The following PARD3 variants were observed in gnomAD, a reference collection of about 807,000 sequenced individuals.
The protein encoded by PARD3 is par-3 family cell polarity regulator, also known as partitioning defective 3 homolog.
Under a neutral mutation model 155.4 loss-of-function variants are expected in PARD3, and 75 were observed. The ratio of observed to expected loss-of-function variants is 0.48; its 90% CI spans 0.40 to 0.58. PARD3 has a LOEUF of 0.58. Among genes scored for constraint, PARD3 ranks in the 20% least tolerant of loss-of-function variants. The probability of loss-of-function intolerance (pLI) is 0.00; values close to 1 mark genes in which losing one functional copy is unlikely to be tolerated. For missense variants in PARD3, 1,642 were observed against 1,721.7 expected (o/e 0.95, Z 0.82); for synonymous variants, 576 against 610.5 (o/e 0.94, Z 0.83).
At chr10:34,118,448 G>A (rs566364616) in intron 24 of PARD3, among the ~76,000 whole-genome samples, 1 of 152,284 alleles carries the variant, frequency 6.6e-6, no homozygotes, top group African/African-American at 2.4e-5. Flanking sequence ...AGGCTCAAGC[G>A]ATCCTCCCAT....
intron 1 of PARD3, among the ~76,000 whole-genome samples, chr10:34,708,148 C>T (rs2094394993): frequency 6.6e-6 from 1 of 151,734 alleles, no homozygotes; most frequent in Non-Finnish European, 1.5e-5. Flanking sequence ...ACAGGAAATA[C>T]AGGGGATAGA....
intron 1 of PARD3, among the ~76,000 whole-genome samples, chr10:34,697,019 C>CACAT (rs1251978206): frequency 3.4e-5 from 5 of 147,942 alleles, no homozygotes; most frequent in Non-Finnish European, 5.9e-5. Context: ...CACACACACA[C>CACAT]ATATTAAAAT....
chr10:34,795,555 T>G (rs1225109412), intron 1 of PARD3, among the ~76,000 whole-genome samples: 1 of 151,936 alleles, frequency 6.6e-6, no homozygotes, highest in Non-Finnish European at 1.5e-5. Flanking sequence ...GAGGCTGTAG[T>G]GAGCTGACTG....
At chr10:34,677,323 A>C (rs1389860393) in intron 2 of PARD3, among the ~76,000 whole-genome samples, 2 of 152,110 alleles carry the variant, frequency 1.3e-5, no homozygotes, top group African/African-American at 4.8e-5. Context: ...ATCTACAAAA[A>C]AATAAAATTA....
chr10:34,415,671 C>A (rs919855699), intron 5 of PARD3, among the ~76,000 whole-genome samples: 5 of 152,116 alleles, frequency 3.3e-5, no homozygotes, highest in Admixed American at 6.5e-5. Flanking sequence ...CTCTGCTCAC[C>A]GGTATGGCAC....
intron 5 of PARD3, among the ~76,000 whole-genome samples, chr10:34,405,670 C>T (rs1448868960): frequency 6.6e-6 from 1 of 152,166 alleles, no homozygotes; most frequent in East Asian, 1.9e-4. Context: ...CTGAAAGCTA[C>T]ACCTTCATCA....
chr10:34,809,224 G>A (rs753616192), intron 1 of PARD3, among the ~76,000 whole-genome samples: 3 of 152,204 alleles, frequency 2.0e-5, no homozygotes, highest in Non-Finnish European at 4.4e-5. Flanking sequence ...TATTTTTTGT[G>A]TGAGAGCAGT....
chr10:34,353,723 A>T (rs948627291), intron 14 of PARD3, among the ~76,000 whole-genome samples: 1 of 136,462 alleles, frequency 7.3e-6, no homozygotes, highest in African/African-American at 2.6e-5. Flanking sequence ...AAATAAATAA[A>T]TAAAAAAATA....
Position 34,651,010 on chromosome 10 carries a change from T to TTAA in PARD3, c.222+45307_222+45308insTTA, listed in dbSNP as rs2092994493. Reference sequence around the variant, plus strand: ...TGGGCAACAAGAACGAAACTCTGTCTCAAAAAAAAAAAAAAAAAAAAAAAA... The same window carrying TTAA: ...TGGGCAACAAGAACGAAACTCTGTCTTAACAAAAAAAAAAAAAAAAAAAAAAAA... On this transcript the variant is annotated intron_variant, in intron 2 of 24. Transcript: ENST00000374788. Among the ~76,000 whole-genome samples the TTAA allele has an allele frequency of 1.3e-4, 4 of 31,790 alleles. 1 individual carries two copies. The South Asian group carries it at 6.7e-3, about 53-fold the overall frequency. 20.9% of individuals were successfully genotyped at this position (31,790 alleles called of 152,430 possible). A position where few individuals can be genotyped will look rare whatever the true frequency, so the allele number is the denominator to read the frequency against.
At chr10:34,548,587 T>C (rs1402301820) in intron 2 of PARD3, among the ~76,000 whole-genome samples, 1 of 151,944 alleles carries the variant, frequency 6.6e-6, no homozygotes, top group Non-Finnish European at 1.5e-5. Flanking sequence ...TAGCATGCAA[T>C]TAACTACCAG....
chr10:34,693,088 G>A (rs957371809), intron 2 of PARD3, among the ~76,000 whole-genome samples: 9 of 152,142 alleles, frequency 5.9e-5, no homozygotes, highest in African/African-American at 2.2e-4. Flanking sequence ...AAAATTAAAA[G>A]TCAAAAAATA....
chr10:34,124,532 A>G (rs1446564478), intron 23 of PARD3, among the ~76,000 whole-genome samples: 4 of 152,134 alleles, frequency 2.6e-5, no homozygotes, highest in Non-Finnish European at 4.4e-5. Context: ...AATCAAAACA[A>G]CGTTAACTTT....
rs150958645 is a variant in PARD3 at position 34,561,519 on chromosome 10, A to T, written c.223-44360T>A. Among the ~76,000 whole-genome samples, 1,162 of 151,494 alleles carry T rather than the reference A, an allele frequency of 7.7e-3. 16 individuals carry two copies. The highest frequency in any genetic ancestry group is 0.027 in the African/African-American group (1,121 of 41,244). On this transcript the variant is annotated intron_variant, in intron 2 of 24. Transcript: ENST00000374788. ...TGTAACGCACATTTATTTTTTTTTAATTTATTTATTTTTTTTTGAGATGGA... is the reference window on the plus strand; with the variant it reads ...TGTAACGCACATTTATTTTTTTTTATTTTATTTATTTTTTTTTGAGATGGA...
chr10:34,760,920 G>A (rs1837364471), intron 1 of PARD3, among the ~76,000 whole-genome samples: 1 of 152,096 alleles, frequency 6.6e-6, no homozygotes, highest in African/African-American at 2.4e-5. Flanking sequence ...GTCAGTAAAT[G>A]TCTGTTTTTT....
rs578082573 is a variant in PARD3 at position 34,228,247 on chromosome 10, G to A, written c.3419+41410C>T. Among the ~76,000 whole-genome samples, 66 of 151,938 alleles carry A rather than the reference G, an allele frequency of 4.3e-4. 1 individual carries two copies. The highest frequency in any genetic ancestry group is 1.8e-4 in the Non-Finnish European group (12 of 67,996). On this transcript the variant is annotated intron_variant, in intron 22 of 24. Coordinates refer to ENST00000374788, the MANE Select transcript of PARD3 (RefSeq NM_001184785.2). The stretch of plus-strand genomic sequence containing the variant: ...ACACAAAGAGGGAACAATAGACACC[G>A]GGGCTTACTGGAGGGAGGAGGGTAA...
At chr10:34,275,037 A>G (rs1955809619) in intron 21 of PARD3, among the ~76,000 whole-genome samples, 1 of 152,180 alleles carries the variant, frequency 6.6e-6, no homozygotes, top group Admixed American at 6.6e-5. Context: ...AGAAGTGCTC[A>G]GCAGCATGAA....
intron 22 of PARD3, among the ~76,000 whole-genome samples, chr10:34,249,518 C>G (rs756459115): frequency 3.3e-5 from 5 of 152,166 alleles, no homozygotes; most frequent in Admixed American, 6.6e-5. Flanking sequence ...ATTTTCTTTT[C>G]TCATTGCCAG....
At chr10:34,233,540 C>T (rs117238752) in intron 22 of PARD3, among the ~76,000 whole-genome samples, 2,846 of 152,170 alleles carry the variant, frequency 0.019, 38 homozygotes, top group Middle Eastern at 0.027. Context: ...TAACCATTTG[C>T]TTGACATCTC....
At chr10:34,525,457 T>C (rs988778317) in intron 2 of PARD3, among the ~76,000 whole-genome samples, 1 of 152,194 alleles carries the variant, frequency 6.6e-6, no homozygotes, top group African/African-American at 2.4e-5. Context: ...TCTAGCCCCA[T>C]GGTTTGTGAT....
Sources: gnomAD v4.1 joint callset for allele counts (sites outside exome capture counted in the v4.1 genomes callset) on GRCh38, gnomAD v4.1.1 for gene constraint, MANE v1.5 for transcripts, NCBI Gene and HGNC (gene_info 2026-07-23, HGNC 2026-07-21) for gene names.